PDE4D: variants seen among roughly 807,000 people sequenced by gnomAD.
PDE4D encodes phosphodiesterase 4D, also known as 3',5'-cyclic-AMP phosphodiesterase 4D.
Under a neutral mutation model 87.4 loss-of-function variants are expected in PDE4D, and 24 were observed. The ratio of observed to expected loss-of-function variants is 0.27; its 90% confidence interval spans 0.20 to 0.39. The LOEUF is 0.39. PDE4D is among the 10% of genes least tolerant of loss of function. The pLI, the probability that PDE4D is intolerant of heterozygous loss-of-function variation, is 1.00. For synonymous variants in PDE4D, 384 were observed against 383.2 expected, an observed-to-expected ratio of 1.00 and a Z score of -0.02; for missense variants, 714 against 1,041.0, an observed-to-expected ratio of 0.69 and a Z score of 4.32.
intron 4 of PDE4D, among the ~76,000 whole-genome samples, chr5:59,181,447 T>C (rs1174526417): frequency 6.6e-6 from 1 of 150,996 alleles, no homozygotes; most frequent in Non-Finnish European, 1.5e-5. Context: ...TCCATCAACA[T>C]TTTTGAAATA....
At chr5:59,670,171 T>C (rs1006701781) in intron 1 of PDE4D, among the ~76,000 whole-genome samples, 1 of 152,312 alleles carries the variant, frequency 6.6e-6, no homozygotes, top group African/African-American at 2.4e-5. Context: ...GAAATAATAA[T>C]AATATATCTA....
At chr5:60,108,539 C>G (rs1323238723) in intron 2 of PDE4D, among the ~76,000 whole-genome samples, 4 of 152,300 alleles carry the variant, frequency 2.6e-5, no homozygotes, top group African/African-American at 9.6e-5. Context: ...CAAAAAAGAG[C>G]TCGCGTTGCC....
chr5:59,910,868 C>T (rs59807464), intron 3 of PDE4D, among the ~76,000 whole-genome samples: 21,685 of 152,098 alleles, frequency 0.14, 1,846 homozygotes, highest in African/African-American at 0.24. Context: ...GGTTAGGATC[C>T]ACAAAACAGA....
At chr5:59,778,271 TAAGA>T (rs1272742851) in intron 1 of PDE4D, among the ~76,000 whole-genome samples, 1 of 152,196 alleles carries the variant, frequency 6.6e-6, no homozygotes, top group Non-Finnish European at 1.5e-5. Context: ...TCTAAAGAAT[TAAGA>T]AAGTATGCAT....
intron 3 of PDE4D, among the ~76,000 whole-genome samples, chr5:59,905,802 A>T (rs552385553): frequency 4.6e-5 from 7 of 152,146 alleles, no homozygotes; most frequent in Non-Finnish European, 1.0e-4. Flanking sequence ...GGGGAGTAAA[A>T]AACCAAGAAC....
intron 3 of PDE4D, among the ~76,000 whole-genome samples, chr5:59,941,913 C>T (rs1247149874): frequency 6.6e-6 from 1 of 152,200 alleles, no homozygotes. Context: ...TACCTCTCTA[C>T]TGTATTCACC....
chr5:60,063,639 C>T (rs142109976), intron 2 of PDE4D, among the ~76,000 whole-genome samples: 1 of 152,174 alleles, frequency 6.6e-6, no homozygotes, highest in Non-Finnish European at 1.5e-5. Context: ...TGAAAGCTAT[C>T]TGGAAGAGTA....
chr5:59,486,803 C>A (rs1404378522), intron 1 of PDE4D, among the ~76,000 whole-genome samples: 1 of 152,164 alleles, frequency 6.6e-6, no homozygotes, highest in African/African-American at 2.4e-5. Flanking sequence ...ATTAAATATA[C>A]AATGCCCTGT....
intron 1 of PDE4D, among the ~76,000 whole-genome samples, chr5:59,693,084 T>C (rs1751226715): frequency 6.6e-6 from 1 of 152,044 alleles, no homozygotes; most frequent in Admixed American, 6.6e-5. Context: ...ATTTAAAAAT[T>C]ATAAAGTTGT....
chr5:60,360,535 A>T (rs1353098065), intron 1 of PDE4D, among the ~76,000 whole-genome samples: 1 of 152,216 alleles, frequency 6.6e-6, no homozygotes, highest in Non-Finnish European at 1.5e-5. Flanking sequence ...TGAAGGGAAA[A>T]CGTGGGGAAC....
intron 1 of PDE4D, among the ~76,000 whole-genome samples, chr5:59,713,349 C>G (rs1561524391): frequency 6.6e-6 from 1 of 152,196 alleles, no homozygotes; most frequent in Non-Finnish European, 1.5e-5. Context: ...TATGTAACTA[C>G]ACCACGTAAG....
At chr5:59,183,087 A>G (rs1742036361) in intron 4 of PDE4D, among the ~76,000 whole-genome samples, 1 of 152,212 alleles carries the variant, frequency 6.6e-6, no homozygotes, top group Non-Finnish European at 1.5e-5. Flanking sequence ...TCATGTGATG[A>G]GGCAGAGTTA....
intron 1 of PDE4D, among the ~76,000 whole-genome samples, chr5:59,607,762 TAAAGGAAGGAA>T (rs546085368): frequency 7.5e-4 from 114 of 151,946 alleles, no homozygotes; most frequent in African/African-American, 2.6e-3. Flanking sequence ...GCGGAAACAA[TAAAGGAAGGAA>T]GAAGGAATGA....
At chr5:59,438,513 G>A (rs1350868788) in intron 1 of PDE4D, among the ~76,000 whole-genome samples, 2 of 152,136 alleles carry the variant, frequency 1.3e-5, no homozygotes, top group Admixed American at 6.6e-5. Flanking sequence ...TACGTTTGTC[G>A]AGTTTTTAAA....
intron 1 of PDE4D, among the ~76,000 whole-genome samples, chr5:59,747,784 C>T (rs1759835645): frequency 6.6e-6 from 1 of 152,146 alleles, no homozygotes; most frequent in South Asian, 2.1e-4. Flanking sequence ...TCAGCACTCC[C>T]ATTAAGGGCA....
intron 1 of PDE4D, among the ~76,000 whole-genome samples, chr5:60,272,582 T>G (rs572617904): frequency 3.3e-5 from 5 of 152,144 alleles, no homozygotes; most frequent in Non-Finnish European, 7.4e-5. Context: ...TCCAACCTAG[T>G]GCTGATTAGG....
intron 1 of PDE4D, among the ~76,000 whole-genome samples, chr5:59,560,185 T>A (rs1437424486): frequency 6.6e-6 from 1 of 152,210 alleles, no homozygotes; most frequent in East Asian, 1.9e-4. Flanking sequence ...TGACACCATG[T>A]TTTTAAACAT....
At chr5:59,432,671 G>C (rs1314455441) in intron 1 of PDE4D, among the ~76,000 whole-genome samples, 1 of 152,078 alleles carries the variant, frequency 6.6e-6, no homozygotes, top group African/African-American at 2.4e-5. Flanking sequence ...ATTGCATACA[G>C]TTCCTTGATG....
At chr5:59,156,680 A>G (rs1216215382) in intron 5 of PDE4D, among the ~76,000 whole-genome samples, 7 of 152,066 alleles carry the variant, frequency 4.6e-5, no homozygotes, top group Admixed American at 4.6e-4. Context: ...CTGGAAAAAG[A>G]AATCAACTTC....
Sources: gnomAD v4.1 joint callset for allele counts (sites outside exome capture counted in the v4.1 genomes callset) on GRCh38, gnomAD v4.1.1 for gene constraint, MANE v1.5 for transcripts, NCBI Gene and HGNC (gene_info 2026-07-23, HGNC 2026-07-21) for gene names.